CSMD3: variants seen among roughly 807,000 people sequenced by gnomAD.
CSMD3 encodes the protein CUB and Sushi multiple domains 3, also known as CUB and sushi domain-containing protein 3.
CSMD3 carries 177 observed loss-of-function variants against 435.2 expected under a neutral mutation model. That is an observed-to-expected ratio of 0.41 (90% CI 0.36 to 0.46). CSMD3 has a LOEUF of 0.46. Among genes scored for constraint, CSMD3 ranks in the 20% least tolerant of loss-of-function variants. The pLI, the probability that CSMD3 is intolerant of heterozygous loss-of-function variation, is 0.34. For missense variants in CSMD3, 4,265 were observed against 4,504.6 expected (o/e 0.95, Z 1.52); for synonymous variants, 1,656 against 1,520.5 (o/e 1.09, Z -2.07).
At chr8:113,299,513 C>T (rs994788800) in intron 2 of CSMD3, among the ~76,000 whole-genome samples, 1 of 152,194 alleles carries the variant, frequency 6.6e-6, no homozygotes, top group African/African-American at 2.4e-5. Flanking sequence ...ATATCAAAAG[C>T]ATATTGAGCC....
chr8:112,519,499 A>G (rs1196764852), intron 27 of CSMD3, among the ~76,000 whole-genome samples: 1 of 152,160 alleles, frequency 6.6e-6, no homozygotes, highest in Non-Finnish European at 1.5e-5. Context: ...TAGTCTAGGA[A>G]TTATCCAGTG....
At chr8:112,250,197 A>G (rs1210541855) in intron 63 of CSMD3, among the ~76,000 whole-genome samples, 32 of 152,022 alleles carry the variant, frequency 2.1e-4, no homozygotes, top group Non-Finnish European at 4.3e-4. Context: ...GACTACATAC[A>G]CTTTGTTTTT....
chr8:112,523,173 G>A (rs552262694), intron 27 of CSMD3, among the ~76,000 whole-genome samples: 4 of 151,990 alleles, frequency 2.6e-5, no homozygotes, highest in South Asian at 2.1e-4. Context: ...ACAGTTGGAT[G>A]AGTAATGATA....
In CSMD3 at chr8:113,298,354, A is replaced by G. The variant is rs1243231663; in HGVS notation, c.401+16217T>C. Among the ~76,000 whole-genome samples, 10 of 152,228 alleles carry G rather than the reference A, an allele frequency of 6.6e-5. No homozygotes were observed. The East Asian group carries it at 1.9e-3, about 29-fold the overall frequency. On this transcript the variant is annotated intron_variant, in intron 2 of 70. Transcript: ENST00000297405. ...TAAAATAACAAGACATTGATATGATAATAGTGGGATTCATTTTATAACATT... is the reference window on the plus strand; with the variant it reads ...TAAAATAACAAGACATTGATATGATGATAGTGGGATTCATTTTATAACATT...
intron 38 of CSMD3, among the ~76,000 whole-genome samples, chr8:112,359,643 GCCA>G (rs1826987548): frequency 6.6e-6 from 1 of 152,080 alleles, no homozygotes; most frequent in Non-Finnish European, 1.5e-5. Flanking sequence ...AATAGAAAAT[GCCA>G]TAAAAGCAGT....
chr8:112,931,492 T>TAAA (rs34728073), intron 9 of CSMD3, among the ~76,000 whole-genome samples: 14 of 136,778 alleles, frequency 1.0e-4, no homozygotes, highest in Admixed American at 4.4e-4. Context: ...ATAAAACTAC[T>TAAA]AAAAAAAAAA....
intron 11 of CSMD3, among the ~76,000 whole-genome samples, chr8:112,831,851 G>A (rs1168176303): frequency 1.3e-5 from 2 of 152,062 alleles, no homozygotes; most frequent in African/African-American, 4.8e-5. Flanking sequence ...AGGACCTTCT[G>A]TTCCATAGAG....
Position 112,346,702 on chromosome 8 carries a change from A to G in CSMD3, c.6326-489T>C, listed in dbSNP as rs1825709550. 4.7e-5 allele frequency among the ~76,000 whole-genome samples: 3 copies of G among 63,568 alleles called. 1 individual carries two copies. The South Asian group carries it at 1.7e-3, about 36-fold the overall frequency. 41.7% of individuals were successfully genotyped at this position (63,568 alleles called of 152,430 possible). ...TTTTTTTTTTTTTTTTTTTTTGGAGAAGGAGTCTCTCTGTCACCCAGGCTG... is the reference window on the plus strand; with the variant it reads ...TTTTTTTTTTTTTTTTTTTTTGGAGGAGGAGTCTCTCTGTCACCCAGGCTG... On this transcript the variant is annotated intron_variant, in intron 40 of 70. Transcript: ENST00000297405.
intron 3 of CSMD3, among the ~76,000 whole-genome samples, chr8:113,246,872 T>G (rs2132274215): frequency 6.6e-6 from 1 of 152,294 alleles, no homozygotes; most frequent in South Asian, 2.1e-4. Context: ...TTTAAATTCC[T>G]TGAACCAGTA....
chr8:112,534,829 A>G (rs1481542146), intron 27 of CSMD3, among the ~76,000 whole-genome samples: 1 of 152,146 alleles, frequency 6.6e-6, no homozygotes. Context: ...AAGTTTATCC[A>G]CCATGATCAA....
chr8:112,895,526 A>G (rs1296615550), intron 10 of CSMD3, among the ~76,000 whole-genome samples: 2 of 151,428 alleles, frequency 1.3e-5, no homozygotes, highest in African/African-American at 4.8e-5. Context: ...ATTTTAAAAT[A>G]CACATAAAGG....
At chr8:112,876,841 T>A (rs894147670) in intron 10 of CSMD3, among the ~76,000 whole-genome samples, 1 of 152,296 alleles carries the variant, frequency 6.6e-6, no homozygotes, top group East Asian at 1.9e-4. Context: ...GATGACATGA[T>A]TGTATATTTA....
intron 13 of CSMD3, among the ~76,000 whole-genome samples, chr8:112,771,726 C>A (rs1442431359): frequency 6.6e-6 from 1 of 151,840 alleles, no homozygotes. Context: ...AAGGAAACAA[C>A]AATGTGTCTT....
chr8:113,368,607 G>C (rs10107860), intron 1 of CSMD3, among the ~76,000 whole-genome samples: 92,442 of 151,846 alleles, frequency 0.61, 29,501 homozygotes, highest in East Asian at 0.75. Context: ...CAAAATCCAA[G>C]TGATCAAAAT....
At chr8:112,285,856 C>A (rs1335257354) in intron 58 of CSMD3, among the ~76,000 whole-genome samples, 2 of 151,814 alleles carry the variant, frequency 1.3e-5, no homozygotes, top group Admixed American at 6.6e-5. Context: ...GTCGCTAGGA[C>A]TACAGGCATA....
chr8:113,377,203 C>T, intron 1 of CSMD3: 1 of 1,099,832 alleles, frequency 9.1e-7, no homozygotes, highest in Non-Finnish European at 1.2e-6. Context: ...GCCGGAAGTT[C>T]GAGCGCGCGA....
intron 6 of CSMD3, among the ~76,000 whole-genome samples, chr8:113,016,989 T>G (rs564030718): frequency 6.6e-6 from 1 of 152,050 alleles, no homozygotes; most frequent in Non-Finnish European, 1.5e-5. Flanking sequence ...ATTAGGAAAG[T>G]TTTAAAAGAA....
At chr8:113,079,674 T>C in intron 5 of CSMD3, among the ~76,000 whole-genome samples, 1 of 152,102 alleles carries the variant, frequency 6.6e-6, no homozygotes, top group Non-Finnish European at 1.5e-5. Context: ...AAAGGCACAC[T>C]AGAAGAACAA....
At chr8:112,580,626 A>G (rs1169121868) in intron 23 of CSMD3, among the ~76,000 whole-genome samples, 4 of 151,920 alleles carry the variant, frequency 2.6e-5, no homozygotes, top group East Asian at 1.9e-4. Flanking sequence ...AGTGTCATAT[A>G]CAGAGTAATT....
Sources: allele counts gnomAD v4.1 joint callset (sites outside exome capture counted in the v4.1 genomes callset), GRCh38; gene constraint gnomAD v4.1.1; transcripts MANE v1.5; gene names NCBI Gene and HGNC (gene_info 2026-07-23, HGNC 2026-07-21).